MAPRE2: variants seen among roughly 807,000 people sequenced by gnomAD.
The protein encoded by MAPRE2 is microtubule-associated protein RP/EB family member 2.
MAPRE2 carries 13 observed loss-of-function variants against 43.2 expected under a neutral mutation model. The ratio of observed to expected loss-of-function variants is 0.30; its 90% CI spans 0.20 to 0.48. The LOEUF is 0.48. Ranked by LOEUF, MAPRE2 falls within the 20% of genes least tolerant of loss-of-function variation. The pLI is 0.99. For missense variants in MAPRE2, 161 were observed against 400.2 expected (o/e 0.40, Z 5.10); for synonymous variants, 135 against 148.8 (o/e 0.91, Z 0.68).
intron 4 of MAPRE2, among the ~76,000 whole-genome samples, chr18:35,113,510 A>G (rs1368392862): frequency 6.6e-6 from 1 of 152,236 alleles, no homozygotes; most frequent in Non-Finnish European, 1.5e-5. Context: ...ATCAAAAACT[A>G]CAGAATGTTG....
At chr18:35,075,691 A>G (rs1017543859) in intron 2 of MAPRE2, among the ~76,000 whole-genome samples, 1 of 151,676 alleles carries the variant, frequency 6.6e-6, no homozygotes, top group African/African-American at 2.4e-5. Flanking sequence ...TAATTATTTG[A>G]CTCATGCTAA....
intron 1 of MAPRE2, among the ~76,000 whole-genome samples, chr18:35,051,307 C>G (rs1905923883): frequency 6.6e-6 from 1 of 152,158 alleles, no homozygotes; most frequent in Non-Finnish European, 1.5e-5. Context: ...ACAGGACCAA[C>G]AAGTCTCTCC....
chr18:34,990,113 A>G (rs939951748), intron 1 of MAPRE2, among the ~76,000 whole-genome samples: 4 of 152,216 alleles, frequency 2.6e-5, no homozygotes, highest in Non-Finnish European at 4.4e-5. Flanking sequence ...TGATTTGTAG[A>G]TGAAGAATTG....
At chr18:35,016,204 AT>A (rs1360211723) in intron 2 of MAPRE2, among the ~76,000 whole-genome samples, 8 of 152,034 alleles carry the variant, frequency 5.3e-5, no homozygotes, top group Admixed American at 4.6e-4. Context: ...TCCACTGTGG[AT>A]AGACTCCTAG....
intron 5 of MAPRE2, among the ~76,000 whole-genome samples, chr18:35,131,531 A>G (rs546620103): frequency 6.6e-6 from 1 of 152,258 alleles, no homozygotes; most frequent in African/African-American, 2.4e-5. Flanking sequence ...GAAAGGATGA[A>G]TAAGCTCGAT....
chr18:35,074,839 C>T (rs1313156768), intron 2 of MAPRE2, among the ~76,000 whole-genome samples: 4 of 152,282 alleles, frequency 2.6e-5, no homozygotes, highest in South Asian at 4.1e-4. Flanking sequence ...AGGGCTGGCA[C>T]TGCCTGGACT....
chr18:34,978,566 C>T (rs115695128), intron 1 of MAPRE2: 1 of 1,551,012 alleles, frequency 6.4e-7, no homozygotes, highest in Admixed American at 2.0e-5. Flanking sequence ...GGCAACATTT[C>T]CCCTGCTTCT....
At chr18:35,027,942 C>CA (rs2097046121) in intron 2 of MAPRE2, among the ~76,000 whole-genome samples, 1 of 152,200 alleles carries the variant, frequency 6.6e-6, no homozygotes, top group Non-Finnish European at 1.5e-5. Context: ...GTCCCACCCT[C>CA]TGGGCCTCTC....
At chr18:35,130,520 T>C (rs1167279303) in intron 5 of MAPRE2, among the ~76,000 whole-genome samples, 2 of 152,064 alleles carry the variant, frequency 1.3e-5, no homozygotes, top group East Asian at 3.9e-4. Context: ...TTTGAATGAA[T>C]CAGTAATTCC....
At chr18:35,077,247 G>A (rs28541897) in intron 2 of MAPRE2, among the ~76,000 whole-genome samples, 34 of 116,920 alleles carry the variant, frequency 2.9e-4, no homozygotes, top group Admixed American at 6.9e-4. Context: ...GCGTGCGCGC[G>A]CGCACACACA....
chr18:35,124,478 G>C (rs912360606), intron 4 of MAPRE2, among the ~76,000 whole-genome samples: 1 of 152,124 alleles, frequency 6.6e-6, no homozygotes, highest in Non-Finnish European at 1.5e-5. Context: ...TAGAACCCTG[G>C]CTTGTTCCTG....
chr18:35,126,287 C>T (rs986345699), intron 4 of MAPRE2, among the ~76,000 whole-genome samples: 1 of 152,208 alleles, frequency 6.6e-6, no homozygotes, highest in Non-Finnish European at 1.5e-5. Context: ...CCTTCAAGCT[C>T]TTGATATAAA....
chr18:35,143,157 C>G lies in MAPRE2; in HGVS notation c.*2788C>G, dbSNP rs1415572204. On this transcript the variant is annotated 3_prime_UTR_variant, in exon 7 of 7. Coordinates refer to ENST00000300249, the MANE Select transcript of MAPRE2 (RefSeq NM_014268.4). ...AGGGAACCAAGAACTCTTCCCTTCC[C>G]TGGTGAGTATTTCCATTATTCCGTT... 3 of 151,698 alleles carry G rather than the reference C, an allele frequency of 2.0e-5. No individual in the cohort carries two copies. Among genetic ancestry groups the G allele is most frequent in the Admixed American group, 2.0e-4 (3 of 15,244 alleles). 9.4% of individuals were successfully genotyped at this position (151,698 alleles called of 1,614,324 possible).
intron 2 of MAPRE2, among the ~76,000 whole-genome samples, chr18:35,077,996 A>C (rs1907452762): frequency 6.6e-6 from 1 of 152,212 alleles, no homozygotes; most frequent in South Asian, 2.1e-4. Context: ...ATTTACCATG[A>C]TACTTTTTCT....
intron 1 of MAPRE2, among the ~76,000 whole-genome samples, chr18:34,980,031 C>CTTTTTTTTTTTTTTTTTTTTTTTTTTT (rs796434537): frequency 2.6e-4 from 12 of 46,146 alleles, no homozygotes; most frequent in Non-Finnish European, 3.2e-4. Flanking sequence ...TTCTTTTTTT[C>CTTTTTTTTTTTTTTTTTTTTTTTTTTT]TTTTTTTTTT....
At chr18:35,035,992 G>A (rs1029348640) in intron 2 of MAPRE2, among the ~76,000 whole-genome samples, 11 of 148,576 alleles carry the variant, frequency 7.4e-5, no homozygotes, top group African/African-American at 2.7e-4. Flanking sequence ...AATACTTAGT[G>A]AACACCCATA....
intron 5 of MAPRE2, 66 bp downstream of exon 5, chr18:35,127,153 A>G: frequency 6.5e-7 from 1 of 1,545,388 alleles, no homozygotes; most frequent in Non-Finnish European, 8.9e-7. Context: ...GGGGCCTAGG[A>G]TCCCCTAGGA....
intron 1 of MAPRE2, among the ~76,000 whole-genome samples, chr18:34,990,174 T>A (rs2150574187): frequency 6.6e-6 from 1 of 152,356 alleles, no homozygotes; most frequent in East Asian, 1.9e-4. Flanking sequence ...ACCATGGGAC[T>A]ACAGTTTGTT....
chr18:34,995,514 A>G (rs2097026054), intron 1 of MAPRE2, among the ~76,000 whole-genome samples: 1 of 152,228 alleles, frequency 6.6e-6, no homozygotes, highest in African/African-American at 2.4e-5. Flanking sequence ...ATGCATTTGC[A>G]CAAACTAGTT....
Sources: gnomAD v4.1 joint callset for allele counts (sites outside exome capture counted in the v4.1 genomes callset) on GRCh38, gnomAD v4.1.1 for gene constraint, MANE v1.5 for transcripts, NCBI Gene and HGNC (gene_info 2026-07-23, HGNC 2026-07-21) for gene names.